GNG7: variants seen among roughly 807,000 people sequenced by gnomAD.
GNG7 encodes G protein subunit gamma 7, also known as guanine nucleotide-binding protein G(I)/G(S)/G(O) subunit gamma-7.
A neutral mutation model predicts 4.0 loss-of-function variants in GNG7; 1 was observed. The ratio of observed to expected loss-of-function variants is 0.25; its 90% CI spans 0.09 to 1.18. GNG7 has a LOEUF of 1.18. Ranked by LOEUF, GNG7 falls within the 50% of genes most tolerant of loss-of-function variation. The pLI is 0.50. For missense variants in GNG7, 86 were observed against 91.9 expected (o/e 0.94, Z 0.26); for synonymous variants, 34 against 36.9 (o/e 0.92, Z 0.29).
chr19:2,622,977 T>C (rs1288843949), intron 2 of GNG7, among the ~76,000 whole-genome samples: 1 of 152,208 alleles, frequency 6.6e-6, no homozygotes, highest in East Asian at 1.9e-4. Context: ...CCTGGGGGTG[T>C]GTGGCCAAGT....
At chr19:2,694,392 G>A (rs1461173943) in intron 1 of GNG7, among the ~76,000 whole-genome samples, 1 of 152,100 alleles carries the variant, frequency 6.6e-6, no homozygotes, top group African/African-American at 2.4e-5. Flanking sequence ...GACATCGGTG[G>A]CTGTCACAAC....
At chr19:2,568,189 A>G (rs1979989491) in intron 2 of GNG7, among the ~76,000 whole-genome samples, 1 of 150,384 alleles carries the variant, frequency 6.6e-6, no homozygotes, top group East Asian at 1.9e-4. Flanking sequence ...ACACATGCAC[A>G]TACACACACA....
Position 2,587,266 on chromosome 19 carries a change from G to A in GNG7, c.-77-32078C>T, listed in dbSNP as rs575282555. Among the ~76,000 whole-genome samples, 18 of 152,168 alleles carry A rather than the reference G, an allele frequency of 1.2e-4. 1 individual carries two copies. The South Asian group carries it at 2.9e-3, about 25-fold the overall frequency. ...TGGCTCTAGGGTCTCTGCCTGGACC[G>A]AAGCATTCCCAGGTGCAGACCCAGG... On this transcript the variant is annotated intron_variant, in intron 2 of 4. Transcript: ENST00000382159.
At chr19:2,527,662 C>T (rs1039145141) in intron 3 of GNG7, among the ~76,000 whole-genome samples, 1 of 152,208 alleles carries the variant, frequency 6.6e-6, no homozygotes, top group African/African-American at 2.4e-5. Context: ...GTTTAACTCA[C>T]TCCAGTACAG....
chr19:2,629,684 T>C (rs1298042074), intron 2 of GNG7, among the ~76,000 whole-genome samples: 1 of 152,170 alleles, frequency 6.6e-6, no homozygotes, highest in Non-Finnish European at 1.5e-5. Flanking sequence ...GATTGGAACC[T>C]GGCACCCACA....
At chr19:2,580,689 C>T (rs1421366192) in intron 2 of GNG7, among the ~76,000 whole-genome samples, 4 of 152,112 alleles carry the variant, frequency 2.6e-5, no homozygotes, top group Admixed American at 6.6e-5. Context: ...CAGCCTCAAA[C>T]TCTTGGCCTC....
Position 2,514,910 on chromosome 19 carries a change from G to C in GNG7, c.*112C>G, listed in dbSNP as rs1286091311. On this transcript the variant is annotated 3_prime_UTR_variant, in exon 5 of 5. Transcript: ENST00000382159. Reference sequence around the variant, plus strand: ...TTGGAATTAAAGGTTTTGGGGACTTGAGATGTTTTGTTTGAGCTAATTACT... The same window carrying C: ...TTGGAATTAAAGGTTTTGGGGACTTCAGATGTTTTGTTTGAGCTAATTACT... The C allele has an allele frequency of 1.5e-5, 13 of 854,812 alleles. 1 individual carries two copies. In the Admixed American group the frequency reaches 2.9e-4, roughly 19 times the overall value. 53.0% of individuals were successfully genotyped at this position (854,812 alleles called of 1,614,324 possible).
intron 2 of GNG7, among the ~76,000 whole-genome samples, chr19:2,561,415 G>A (rs1979737210): frequency 6.6e-6 from 1 of 152,052 alleles, no homozygotes; most frequent in Non-Finnish European, 1.5e-5. Context: ...CCCTGGTTAG[G>A]TCCTGTCACA....
chr19:2,553,560 AC>A (rs1979414754), intron 3 of GNG7, among the ~76,000 whole-genome samples: 1 of 149,416 alleles, frequency 6.7e-6, no homozygotes. Context: ...ATGTAATATC[AC>A]ATGTAATAAA....
At chr19:2,523,978 G>T (rs1329605938) in intron 3 of GNG7, among the ~76,000 whole-genome samples, 2 of 152,214 alleles carry the variant, frequency 1.3e-5, no homozygotes, top group Non-Finnish European at 2.9e-5. Flanking sequence ...ATTCCAGAGA[G>T]CTTCAAAGCA....
Position 2,572,597 on chromosome 19 carries a change from C to T in GNG7, c.-77-17409G>A, listed in dbSNP as rs1219119593. On this transcript the variant is annotated intron_variant, in intron 2 of 4. Transcript: ENST00000382159. ...CAGGTGTAAGCCACCGCGCCCGGCC[C>T]TTTTTTTTTTTTTTTTTAAGAGTTA... Among the ~76,000 whole-genome samples, 19 of 132,864 alleles carry T rather than the reference C, an allele frequency of 1.4e-4. No individual in the cohort carries two copies. In the East Asian group the frequency reaches 3.5e-3, roughly 24 times the overall value. 87.2% of individuals were successfully genotyped at this position (132,864 alleles called of 152,430 possible). A position where few individuals can be genotyped will look rare whatever the true frequency, so the allele number is the denominator to read the frequency against.
chr19:2,541,825 G>A (rs1445373201), intron 3 of GNG7, among the ~76,000 whole-genome samples: 2 of 152,100 alleles, frequency 1.3e-5, no homozygotes, highest in Non-Finnish European at 2.9e-5. Context: ...TGAGGCGGGA[G>A]GATGGCTTGA....
chr19:2,554,180 T>A (rs1347476567), intron 3 of GNG7, among the ~76,000 whole-genome samples: 1 of 147,122 alleles, frequency 6.8e-6, no homozygotes, highest in Non-Finnish European at 1.5e-5. Flanking sequence ...ATAATATATA[T>A]ATTTTTTTCT....
intron 1 of GNG7, among the ~76,000 whole-genome samples, chr19:2,687,186 T>C (rs1983893764): frequency 6.6e-6 from 1 of 151,854 alleles, no homozygotes; most frequent in Non-Finnish European, 1.5e-5. Flanking sequence ...GACTCCCGAG[T>C]AGCTGGGATT....
At position 2,569,467 on chromosome 19, in the gene GNG7, A is replaced by G. The variant is rs199748987; in HGVS notation, c.-77-14279T>C. 2.0e-5 allele frequency among the ~76,000 whole-genome samples: 3 copies of G among 152,110 alleles called. No individual in the cohort carries two copies. The East Asian group carries it at 5.8e-4, about 29-fold the overall frequency. ...ATTTTTTGTATTTTTAGTAGAGACG[A>G]GGGTTCACCGGGTTAGCCAGGATGG... On this transcript the variant is annotated intron_variant, in intron 2 of 4. Transcript: ENST00000382159.
intron 1 of GNG7, among the ~76,000 whole-genome samples, chr19:2,665,765 G>A (rs1265131445): frequency 6.6e-6 from 1 of 152,176 alleles, no homozygotes; most frequent in African/African-American, 2.4e-5. Flanking sequence ...ACATAAATGA[G>A]TATCTATAAA....
intron 2 of GNG7, among the ~76,000 whole-genome samples, chr19:2,596,751 C>A (rs1981034221): frequency 6.6e-6 from 1 of 152,074 alleles, no homozygotes. Flanking sequence ...CCCATCCACC[C>A]CACACTGTTA....
At chr19:2,539,552 G>C (rs148834345) in intron 3 of GNG7, among the ~76,000 whole-genome samples, 1 of 151,836 alleles carries the variant, frequency 6.6e-6, no homozygotes, top group Non-Finnish European at 1.5e-5. Flanking sequence ...TGATCTGCCC[G>C]CCTCGGCCTC....
At chr19:2,674,835 C>G (rs563284501) in intron 1 of GNG7, among the ~76,000 whole-genome samples, 9 of 152,294 alleles carry the variant, frequency 5.9e-5, no homozygotes, top group East Asian at 3.9e-4. Flanking sequence ...GGTCGTAACT[C>G]GCATTTCCAC....
Sources: allele counts gnomAD v4.1 joint callset (sites outside exome capture counted in the v4.1 genomes callset), GRCh38; gene constraint gnomAD v4.1.1; transcripts MANE v1.5; gene names NCBI Gene and HGNC (gene_info 2026-07-23, HGNC 2026-07-21).